EPHA6: variants seen among roughly 807,000 people sequenced by gnomAD.
The protein encoded by EPHA6 is ephrin type-A receptor 6.
EPHA6 carries 50 observed loss-of-function variants against 112.0 expected under a neutral mutation model. The ratio of observed to expected loss-of-function variants is 0.45; its 90% CI spans 0.36 to 0.56. The LOEUF is 0.56. Ranked by LOEUF, EPHA6 falls within the 20% of genes least tolerant of loss-of-function variation. The pLI is 0.00. For missense variants in EPHA6, 1,280 were observed against 1,417.4 expected, an observed-to-expected ratio of 0.90 and a Z score of 1.56; for synonymous variants, 529 against 490.7, an observed-to-expected ratio of 1.08 and a Z score of -1.03.
intron 6 of EPHA6, among the ~76,000 whole-genome samples, chr3:97,414,703 T>G (rs1312785237): frequency 6.6e-6 from 1 of 152,066 alleles, no homozygotes; most frequent in East Asian, 1.9e-4. Context: ...TGACCAGATA[T>G]AATTTTTGCC....
At chr3:97,236,398 T>A (rs1432964795) in intron 4 of EPHA6, among the ~76,000 whole-genome samples, 1 of 152,012 alleles carries the variant, frequency 6.6e-6, no homozygotes, top group East Asian at 1.9e-4. Flanking sequence ...CTTAGCACTT[T>A]TACTTTGATG....
intron 5 of EPHA6, among the ~76,000 whole-genome samples, chr3:97,378,499 T>TA (rs1421944373): frequency 3.3e-5 from 5 of 152,094 alleles, no homozygotes; most frequent in African/African-American, 1.2e-4. Context: ...GACCCCAGAA[T>TA]GGTAGATCCA....
At chr3:97,429,133 A>G (rs2089344287) in intron 6 of EPHA6, among the ~76,000 whole-genome samples, 1 of 152,180 alleles carries the variant, frequency 6.6e-6, no homozygotes, top group South Asian at 2.1e-4. Flanking sequence ...TCTTGGTAAT[A>G]GTGTTCCAAG....
At chr3:97,729,826 G>A (rs374232557) in intron 15 of EPHA6, among the ~76,000 whole-genome samples, 4 of 151,402 alleles carry the variant, frequency 2.6e-5, no homozygotes, top group South Asian at 2.1e-4. Flanking sequence ...ATAAATAATC[G>A]TTACCACAAA....
chr3:97,556,931 CTG>C (rs1354017983), intron 11 of EPHA6, among the ~76,000 whole-genome samples: 1 of 151,944 alleles, frequency 6.6e-6, no homozygotes, highest in Non-Finnish European at 1.5e-5. Flanking sequence ...TCTGCTAAAA[CTG>C]TGTTATTTTC....
intron 11 of EPHA6, among the ~76,000 whole-genome samples, chr3:97,572,919 G>A (rs2093348731): frequency 6.6e-6 from 1 of 152,162 alleles, no homozygotes; most frequent in African/African-American, 2.4e-5. Context: ...CTTGTAGGTG[G>A]CAAAGTCATG....
chr3:97,211,996 T>A (rs2077890067), intron 3 of EPHA6, among the ~76,000 whole-genome samples: 2 of 152,328 alleles, frequency 1.3e-5, no homozygotes, highest in South Asian at 4.1e-4. Context: ...ATTACTAATA[T>A]ATCTTATAGT....
chr3:97,216,035 G>T (rs928679280), intron 3 of EPHA6, among the ~76,000 whole-genome samples: 2 of 152,278 alleles, frequency 1.3e-5, no homozygotes, highest in East Asian at 3.9e-4. Context: ...CATCAGGTGA[G>T]AAAAGTCAAT....
chr3:97,207,184 G>T (rs1302127733), intron 3 of EPHA6, among the ~76,000 whole-genome samples: 2 of 152,074 alleles, frequency 1.3e-5, no homozygotes, highest in South Asian at 4.1e-4. Flanking sequence ...AAAAAAAGCT[G>T]TATCAGAATA....
In EPHA6 at chr3:97,244,268, A is replaced by G; in HGVS notation, c.1587A>G (p.Thr529=). ...SFSPKPFTAI[T]VTTDQDAPSL... The stretch of plus-strand genomic sequence containing the variant: ...CTCCCAAGCCATTCACAGCTATTAC[A>G]GTGACCACGGATCAAGATGGTAAGT... Residue 529 remains threonine (T), a synonymous_variant, in exon 5 of 18, where the codon ACA becomes ACG. Transcript: ENST00000389672. 6.2e-7 allele frequency: 1 copy of G among 1,613,176 alleles called. No homozygotes were observed. The highest frequency in any genetic ancestry group is 8.5e-7 in the Non-Finnish European group (1 of 1,179,368).
At chr3:97,244,957 A>G (rs2078945379) in intron 5 of EPHA6, among the ~76,000 whole-genome samples, 1 of 151,998 alleles carries the variant, frequency 6.6e-6, no homozygotes. Context: ...TTCATAACAT[A>G]ATTATATTGC....
intron 2 of EPHA6, among the ~76,000 whole-genome samples, chr3:96,919,738 C>G (rs1259147443): frequency 6.6e-6 from 1 of 151,830 alleles, no homozygotes; most frequent in Non-Finnish European, 1.5e-5. Flanking sequence ...CTTCATTTGA[C>G]AAATCACTTT....
At chr3:97,018,713 G>C (rs1160470684) in intron 3 of EPHA6, among the ~76,000 whole-genome samples, 1 of 152,238 alleles carries the variant, frequency 6.6e-6, no homozygotes, top group Non-Finnish European at 1.5e-5. Flanking sequence ...ATCACAGGGA[G>C]ACGGTTAGGC....
intron 5 of EPHA6, among the ~76,000 whole-genome samples, chr3:97,286,557 C>T (rs1467073477): frequency 6.6e-6 from 1 of 152,106 alleles, no homozygotes; most frequent in Non-Finnish European, 1.5e-5. Context: ...AATAGGTGAA[C>T]TTACTTCTAG....
At chr3:97,559,502 G>C in intron 11 of EPHA6, 1 of 379,794 alleles carries the variant, frequency 2.6e-6, no homozygotes, top group South Asian at 2.0e-5. Flanking sequence ...ATGGAACTAA[G>C]AAGGCACAAA....
At chr3:97,405,051 A>C (rs2087250063) in intron 5 of EPHA6, 99 bp from the exon 6 acceptor site, 7 of 1,380,660 alleles carry the variant, frequency 5.1e-6, no homozygotes, top group Non-Finnish European at 6.9e-6. Context: ...TGTCCTCTTC[A>C]ACAAGAATTT....
chr3:97,422,578 C>T (rs751335017), intron 6 of EPHA6, among the ~76,000 whole-genome samples: 3 of 152,070 alleles, frequency 2.0e-5, no homozygotes, highest in South Asian at 2.1e-4. Flanking sequence ...CAGCACTTGA[C>T]GAAATGGACC....
At chr3:97,663,415 A>T (rs1037412412) in intron 14 of EPHA6, among the ~76,000 whole-genome samples, 8 of 151,512 alleles carry the variant, frequency 5.3e-5, no homozygotes, top group Non-Finnish European at 7.4e-5. Context: ...TACATGTGCC[A>T]TGTTGGTGTG....
chr3:96,821,300 A>G (rs570045170), intron 1 of EPHA6, among the ~76,000 whole-genome samples: 1 of 152,126 alleles, frequency 6.6e-6, no homozygotes, highest in East Asian at 1.9e-4. Flanking sequence ...TAGAAAATTC[A>G]TATTCTGGAG....
Sources: gnomAD v4.1 joint callset for allele counts (sites outside exome capture counted in the v4.1 genomes callset) on GRCh38, gnomAD v4.1.1 for gene constraint, MANE v1.5 for transcripts, NCBI Gene and HGNC (gene_info 2026-07-23, HGNC 2026-07-21) for gene names.